DMD: variants seen among roughly 807,000 people sequenced by gnomAD.
DMD encodes the protein dystrophin.
A neutral mutation model predicts 330.1 loss-of-function variants in DMD; 63 were observed. The observed-to-expected ratio is 0.19, with a 90% CI of 0.16 to 0.24. The LOEUF (loss-of-function observed/expected upper bound fraction) is 0.24, where lower values mean the gene tolerates loss of function less well. Ranked by LOEUF, DMD falls within the 10% of genes least tolerant of loss-of-function variation. The pLI, the probability that DMD is intolerant of heterozygous loss-of-function variation, is 1.00. For missense variants in DMD, 3,344 were observed against 2,684.1 expected (o/e 1.25, Z -5.43); for synonymous variants, 1,223 against 959.8 (o/e 1.27, Z -5.07).
At chrX:31,292,351 C>T (rs1165784338) in intron 62 of DMD, among the ~76,000 whole-genome samples, 1 of 111,634 alleles carries the variant, frequency 9.0e-6, no homozygotes, top group African/African-American at 3.3e-5. Flanking sequence ...AATAAATACA[C>T]GTAAAAATAT....
At chrX:32,871,142 T>TA (rs1485792146) in intron 2 of DMD, among the ~76,000 whole-genome samples, 2 of 46,651 alleles carry the variant, frequency 4.3e-5, no homozygotes, top group African/African-American at 1.6e-4. Flanking sequence ...TCTTTTCCCG[T>TA]GTTTTTTTTC....
chrX:32,377,046 T>G (rs1249583508), intron 34 of DMD, among the ~76,000 whole-genome samples: 2 of 111,871 alleles, frequency 1.8e-5, no homozygotes, highest in East Asian at 5.6e-4. Flanking sequence ...AAATCTGTAT[T>G]GTTTTTAAGG....
chrX:32,545,261 G>T lies in DMD; in HGVS notation c.2066C>A (p.Thr689Asn), dbSNP rs2048861309. The change falls in exon 17 of 79, where the codon ACC becomes AAC. Residue 689 changes from threonine to asparagine, a missense_variant. Thr to Asn is a moderately conservative substitution (Grantham distance 65). Coordinates refer to ENST00000357033, the MANE Select transcript of DMD (RefSeq NM_004006.3). Reference protein sequence around the residue: ...TTVMETVTTVTTREQILVKHA... With the variant: ...TTVMETVTTVNTREQILVKHA... The stretch of plus-strand genomic sequence containing the variant: ...CTTTACCAGGATCTGTTCCCTTGTG[G>T]TCACCGTAGTTACTGTTTCCATTAC... The T allele has an allele frequency of 8.3e-7, 1 of 1,210,147 alleles. No homozygotes were observed. The highest frequency in any genetic ancestry group is 1.7e-5 in the African/African-American group (1 of 57,665).
intron 53 of DMD, among the ~76,000 whole-genome samples, chrX:31,664,665 T>TTG (rs367777523): frequency 5.5e-5 from 2 of 36,180 alleles, no homozygotes; most frequent in African/African-American, 2.5e-4. Context: ...GTATCATAAG[T>TTG]TTTTTTTTTT....
At chrX:31,477,458 T>A (rs749699690) in intron 59 of DMD, among the ~76,000 whole-genome samples, 3 of 111,780 alleles carry the variant, frequency 2.7e-5, no homozygotes, top group Non-Finnish European at 3.8e-5. Context: ...GTTGCTGATT[T>A]CAAAATGATA....
At chrX:32,738,459 T>C (rs933664494) in intron 7 of DMD, among the ~76,000 whole-genome samples, 2 of 111,816 alleles carry the variant, frequency 1.8e-5, no homozygotes, top group Non-Finnish European at 3.8e-5. Flanking sequence ...TTAATGTACA[T>C]GTGAAGTTCC....
chrX:32,991,706 T>C (rs2092983391), intron 2 of DMD, among the ~76,000 whole-genome samples: 1 of 111,987 alleles, frequency 8.9e-6, no homozygotes, highest in Non-Finnish European at 1.9e-5. Context: ...ATGGATGCCA[T>C]CTTGTTACTA....
At chrX:32,826,348 G>C (rs1362711083) in intron 4 of DMD, among the ~76,000 whole-genome samples, 1 of 111,540 alleles carries the variant, frequency 9.0e-6, no homozygotes, top group African/African-American at 3.3e-5. Flanking sequence ...ATATTCCAAA[G>C]GAAACAAATC....
intron 63 of DMD, among the ~76,000 whole-genome samples, chrX:31,246,610 T>C (rs1000521144): frequency 3.6e-5 from 4 of 112,274 alleles, no homozygotes; most frequent in African/African-American, 1.3e-4. Flanking sequence ...TCTACCATTC[T>C]GAAATCACAG....
intron 9 of DMD, among the ~76,000 whole-genome samples, chrX:32,658,003 G>A (rs1051446032): frequency 7.2e-5 from 8 of 111,209 alleles, no homozygotes; most frequent in African/African-American, 9.8e-5. Context: ...CACATATCTC[G>A]TGAAAACTTA....
At chrX:31,944,355 A>G (rs745503538) in intron 45 of DMD, among the ~76,000 whole-genome samples, 22 of 112,486 alleles carry the variant, frequency 2.0e-4, no homozygotes, top group African/African-American at 7.1e-4. Flanking sequence ...ATGTAAAACA[A>G]GATCACTCTT....
rs1222573556 is a variant in DMD, at chrX:32,626,539, G to C, written c.1332-12086C>G. Among the ~76,000 whole-genome samples the C allele has an allele frequency of 6.7e-5, 7 of 105,201 alleles. 3 individuals carry two copies. Among genetic ancestry groups the C allele is most frequent in the African/African-American group, 2.8e-4 (7 of 24,749 alleles). 91.4% of individuals were successfully genotyped at this position (105,201 alleles called of 115,157 possible). On this transcript the variant is annotated intron_variant, in intron 11 of 78. Transcript: ENST00000357033. ...CAAGGTGGTTCTTATAGATAGATTA[G>C]TTTTGGTTTTAGCTTAACAATTCTT...
intron 43 of DMD, among the ~76,000 whole-genome samples, chrX:32,256,753 A>T (rs2097300911): frequency 9.0e-6 from 1 of 111,109 alleles, no homozygotes; most frequent in Non-Finnish European, 1.9e-5. Flanking sequence ...AAAGGATTTT[A>T]TTTCTCCTTT....
At chrX:32,297,401 G>A (rs1445226478) in intron 42 of DMD, among the ~76,000 whole-genome samples, 2 of 109,670 alleles carry the variant, frequency 1.8e-5, no homozygotes, top group Non-Finnish European at 3.8e-5. Context: ...AGCCTCCCGA[G>A]TAGCTGGGAT....
intron 1 of DMD, among the ~76,000 whole-genome samples, chrX:33,056,917 T>C (rs974547791): frequency 9.0e-6 from 1 of 111,582 alleles, no homozygotes; most frequent in African/African-American, 3.3e-5. Context: ...TGGGTATTAT[T>C]ATACTGATGA....
chrX:32,079,659 GA>G (rs1258424393), intron 44 of DMD, among the ~76,000 whole-genome samples: 4 of 105,443 alleles, frequency 3.8e-5, no homozygotes, highest in Non-Finnish European at 5.9e-5. Flanking sequence ...GGAGGGAGGG[GA>G]AAAAAAAAGA....
chrX:33,266,477 T>C (rs1405793423), intron 1 of DMD, among the ~76,000 whole-genome samples: 2 of 111,359 alleles, frequency 1.8e-5, no homozygotes, highest in African/African-American at 6.5e-5. Context: ...CCTCGTCAAA[T>C]AGGAGTTAAA....
intron 50 of DMD, among the ~76,000 whole-genome samples, chrX:31,799,340 T>C (rs184659653): frequency 7.7e-4 from 86 of 111,600 alleles, no homozygotes; most frequent in African/African-American, 2.7e-3. Context: ...TCAGGAAACT[T>C]ACAATCATGG....
exon 1 of DMD, chrX:33,339,276 T>G (rs768849321): frequency 9.8e-7 from 1 of 1,025,504 alleles, no homozygotes; most frequent in African/African-American, 1.9e-5. Flanking sequence ...GCCAGCTGTT[T>G]TTCCTGTCAC....
Sources: allele counts gnomAD v4.1 joint callset (sites outside exome capture counted in the v4.1 genomes callset), GRCh38; gene constraint gnomAD v4.1.1; transcripts MANE v1.5; gene names NCBI Gene and HGNC (gene_info 2026-07-23, HGNC 2026-07-21).